Variants in PTK2 observed in about 807,000 individuals in gnomAD.
PTK2 encodes protein tyrosine kinase 2, also known as focal adhesion kinase 1.
A neutral mutation model predicts 150.1 loss-of-function variants in PTK2; 45 were observed. That is an observed-to-expected ratio of 0.30 (90% CI 0.24 to 0.38). PTK2 has a LOEUF of 0.38. Among genes scored for constraint, PTK2 ranks in the 10% least tolerant of loss-of-function variants. The pLI, the probability that PTK2 is intolerant of heterozygous loss-of-function variation, is 1.00. For synonymous variants in PTK2, 432 were observed against 449.2 expected, an observed-to-expected ratio of 0.96 and a Z score of 0.48; for missense variants, 919 against 1,307.3, an observed-to-expected ratio of 0.70 and a Z score of 4.58.
intron 1 of PTK2, among the ~76,000 whole-genome samples, chr8:140,941,495 C>T (rs1030451556): frequency 2.6e-5 from 4 of 152,182 alleles, no homozygotes; most frequent in African/African-American, 9.7e-5. Context: ...ATTAGTGCCA[C>T]ACATTATAGT....
chr8:140,855,415 G>GA, intron 5 of PTK2, among the ~76,000 whole-genome samples: 1 of 152,198 alleles, frequency 6.6e-6, no homozygotes, highest in African/African-American at 2.4e-5. Flanking sequence ...CCAACATGCT[G>GA]AAACCCCATC....
At chr8:140,982,554 A>G (rs1227566082) in intron 1 of PTK2, among the ~76,000 whole-genome samples, 1 of 152,072 alleles carries the variant, frequency 6.6e-6, no homozygotes, top group Non-Finnish European at 1.5e-5. Flanking sequence ...CCGAGATAGC[A>G]CCACTGTACT....
At chr8:140,866,653 T>A (rs1350125400) in intron 4 of PTK2, among the ~76,000 whole-genome samples, 1 of 152,154 alleles carries the variant, frequency 6.6e-6, no homozygotes, top group Non-Finnish European at 1.5e-5. Context: ...GTTTCTAAGG[T>A]TTATTGTTAG....
intron 16 of PTK2, among the ~76,000 whole-genome samples, chr8:140,759,308 T>C (rs1346507875): frequency 6.6e-6 from 1 of 152,038 alleles, no homozygotes; most frequent in Non-Finnish European, 1.5e-5. Flanking sequence ...GGAAATCATT[T>C]TGGCAGTTCA....
exon 9 of PTK2, chr8:140,818,903 C>T: frequency 6.2e-7 from 1 of 1,613,480 alleles, no homozygotes. Context: ...TTGAAGCATT[C>T]CTTATCAAAT....
At position 140,823,435 on chromosome 8, in the gene PTK2, C is replaced by T. The variant is rs1446566782; in HGVS notation, c.649-4415G>A. Among the ~76,000 whole-genome samples the T allele has an allele frequency of 4.0e-5, 6 of 151,734 alleles. No homozygotes were observed. In the East Asian group the frequency reaches 5.8e-4, roughly 15 times the overall value. Reference sequence around the variant, plus strand: ...TAACCTAAAACATTCTATGAAGTAACGGAGATAGAAGTCGAGGAAACAGAA... The same window carrying T: ...TAACCTAAAACATTCTATGAAGTAATGGAGATAGAAGTCGAGGAAACAGAA... On this transcript the variant is annotated intron_variant, in intron 8 of 31. Transcript: ENST00000522684.
exon 3 of PTK2, chr8:140,890,678 A>G (rs1421014065): frequency 1.2e-6 from 2 of 1,613,954 alleles, no homozygotes; most frequent in Non-Finnish European, 1.7e-6. Flanking sequence ...TACCCAGGTG[A>G]GTCTTAGTAC....
At chr8:140,835,108 T>A (rs2100117925) in intron 7 of PTK2, among the ~76,000 whole-genome samples, 1 of 152,174 alleles carries the variant, frequency 6.6e-6, no homozygotes, top group South Asian at 2.1e-4. Flanking sequence ...CTGAGATGAA[T>A]CCTCTAGGTG....
chr8:140,742,165 A>C (rs942775154), intron 20 of PTK2, among the ~76,000 whole-genome samples: 2 of 152,210 alleles, frequency 1.3e-5, no homozygotes, highest in Admixed American at 6.5e-5. Flanking sequence ...AAATCCCACC[A>C]AACTAATAGA....
At position 140,668,193 on chromosome 8, in the gene PTK2, G is replaced by A. The variant is rs1474346681; in HGVS notation, c.2865+76C>T. 1.1e-5 allele frequency: 17 copies of A among 1,557,060 alleles called. No individual in the cohort carries two copies. In the Admixed American group the frequency reaches 1.9e-4, roughly 17 times the overall value. On this transcript the variant is annotated intron_variant, in intron 30 of 31. Transcript: ENST00000522684. ...CTTTGGTGGGGCGGGGGGACCTAGA[G>A]ACATCTATCAACTGGCACCACAGCT... is the stretch of plus-strand genomic sequence containing the variant.
chr8:140,668,149 T>A, intron 30 of PTK2, 120 bp downstream of exon 34: 1 of 1,166,426 alleles, frequency 8.6e-7, no homozygotes, highest in East Asian at 2.4e-5. Flanking sequence ...GTGAAGAGCT[T>A]CTAAAGCATC....
chr8:140,781,473 G>C (rs555848756), intron 14 of PTK2, among the ~76,000 whole-genome samples: 2 of 151,974 alleles, frequency 1.3e-5, no homozygotes, highest in South Asian at 4.2e-4. Flanking sequence ...CCTTTATAGC[G>C]TGGGGGCTGC....
intron 8 of PTK2, among the ~76,000 whole-genome samples, chr8:140,828,072 C>G (rs1370197584): frequency 6.7e-6 from 1 of 149,782 alleles, no homozygotes; most frequent in Non-Finnish European, 1.5e-5. Context: ...GAGACTGAGG[C>G]AGAAGAATTG....
At chr8:140,846,619 C>A (rs896058983) in exon 6 of PTK2, 2 of 1,611,730 alleles carry the variant, frequency 1.2e-6, no homozygotes. Flanking sequence ...GACAACCCAA[C>A]TTCAAAGCAA....
chr8:140,816,614 A>G (rs966762494), intron 10 of PTK2, among the ~76,000 whole-genome samples: 4 of 152,226 alleles, frequency 2.6e-5, no homozygotes, highest in African/African-American at 9.6e-5. Flanking sequence ...TAAAAGGACA[A>G]TTGTGTTGGT....
At chr8:140,871,721 T>C (rs1317618370) in intron 4 of PTK2, among the ~76,000 whole-genome samples, 2 of 152,148 alleles carry the variant, frequency 1.3e-5, no homozygotes, top group African/African-American at 4.8e-5. Context: ...AAACAAATTA[T>C]TTTAAAAATT....
chr8:140,943,550 A>T (rs2100176596), intron 1 of PTK2, among the ~76,000 whole-genome samples: 1 of 152,200 alleles, frequency 6.6e-6, no homozygotes, highest in South Asian at 2.1e-4. Context: ...CATAGAGGTC[A>T]TTGTAAGAAA....
chr8:140,659,381 G>A, exon 32 of PTK2: 2 of 1,248,130 alleles, frequency 1.6e-6, no homozygotes, highest in Non-Finnish European at 2.2e-6. Context: ...TGGCGACTGA[G>A]GACACAGGGT....
chr8:140,851,663 A>G (rs979906536), intron 5 of PTK2, among the ~76,000 whole-genome samples: 2 of 152,166 alleles, frequency 1.3e-5, no homozygotes, highest in Non-Finnish European at 2.9e-5. Context: ...GTTCAAGACC[A>G]GGCTGGTCAA....
Sources: gnomAD v4.1 joint callset for allele counts (sites outside exome capture counted in the v4.1 genomes callset) on GRCh38, gnomAD v4.1.1 for gene constraint, MANE v1.5 for transcripts, NCBI Gene and HGNC (gene_info 2026-07-23, HGNC 2026-07-21) for gene names.